UVRAG: variants seen among roughly 807,000 people sequenced by gnomAD.
The protein encoded by UVRAG is UV radiation resistance-associated gene protein.
Under a neutral mutation model 78.0 loss-of-function variants are expected in UVRAG, and 19 were observed. The observed-to-expected ratio is 0.24, with a 90% CI of 0.17 to 0.36. The LOEUF (loss-of-function observed/expected upper bound fraction) is 0.36, where lower values mean the gene tolerates loss of function less well. Ranked by LOEUF, UVRAG falls within the 10% of genes least tolerant of loss-of-function variation. The probability of loss-of-function intolerance (pLI) is 1.00; values close to 1 mark genes in which losing one functional copy is unlikely to be tolerated. For synonymous variants in UVRAG, 323 were observed against 324.6 expected, an observed-to-expected ratio of 1.00 and a Z score of 0.05; for missense variants, 740 against 853.8, an observed-to-expected ratio of 0.87 and a Z score of 1.66.
intron 14 of UVRAG, among the ~76,000 whole-genome samples, chr11:76,117,165 G>A (rs1952197554): frequency 6.6e-6 from 1 of 152,206 alleles, no homozygotes; most frequent in Non-Finnish European, 1.5e-5. Context: ...GAAAGCTCAA[G>A]CCCTGTCCCC....
At chr11:75,974,939 T>G (rs987652995) in intron 7 of UVRAG, among the ~76,000 whole-genome samples, 8 of 152,368 alleles carry the variant, frequency 5.3e-5, no homozygotes, top group Admixed American at 2.0e-4. Context: ...GTTTTAGACA[T>G]GAAGTCCTTG....
At chr11:75,877,823 C>T (rs1244477310) in intron 3 of UVRAG, among the ~76,000 whole-genome samples, 1 of 142,866 alleles carries the variant, frequency 7.0e-6, no homozygotes, top group Non-Finnish European at 1.5e-5. Context: ...GGCAGAGGCG[C>T]CCCTCACCTC....
intron 1 of UVRAG, among the ~76,000 whole-genome samples, chr11:75,815,843 C>T (rs919050607): frequency 6.6e-6 from 1 of 152,106 alleles, no homozygotes. Context: ...GATTGCCCCG[C>T]GCAGACCCTC....
chr11:76,051,577 G>A (rs1383545477), intron 12 of UVRAG, among the ~76,000 whole-genome samples: 1 of 152,032 alleles, frequency 6.6e-6, no homozygotes, highest in Non-Finnish European at 1.5e-5. Flanking sequence ...AAGGAGGGGG[G>A]ATTATTTTTA....
chr11:75,942,087 G>A (rs1264350018), intron 6 of UVRAG: 1 of 152,118 alleles, frequency 6.6e-6, no homozygotes, highest in Non-Finnish European at 1.5e-5. Flanking sequence ...CATTGCAAAA[G>A]AACTATTTTT....
At chr11:76,055,157 C>G (rs1950956635) in intron 12 of UVRAG, among the ~76,000 whole-genome samples, 1 of 152,160 alleles carries the variant, frequency 6.6e-6, no homozygotes, top group Non-Finnish European at 1.5e-5. Flanking sequence ...AAGTGATCCT[C>G]CCACCTCAGC....
intron 11 of UVRAG, chr11:76,012,825 GT>G (rs2135358915): frequency 6.6e-6 from 1 of 151,550 alleles, no homozygotes; most frequent in South Asian, 2.1e-4. Flanking sequence ...GTGTGTGTGT[GT>G]GTGTGTGTGT....
intron 1 of UVRAG, among the ~76,000 whole-genome samples, chr11:75,833,830 C>T (rs1042075312): frequency 6.6e-6 from 1 of 152,240 alleles, no homozygotes; most frequent in Non-Finnish European, 1.5e-5. Flanking sequence ...ACAGATCGCT[C>T]ATGTTATTGT....
intron 6 of UVRAG, among the ~76,000 whole-genome samples, chr11:75,943,339 G>T: frequency 6.8e-6 from 1 of 147,026 alleles, no homozygotes; most frequent in East Asian, 2.0e-4. Context: ...GCCTAAAGTT[G>T]TATATAATAT....
At chr11:75,870,404 A>G (rs1406530716) in intron 3 of UVRAG, among the ~76,000 whole-genome samples, 1 of 152,172 alleles carries the variant, frequency 6.6e-6, no homozygotes, top group Non-Finnish European at 1.5e-5. Flanking sequence ...AACAACCCCC[A>G]AGAGTATCTA....
intron 1 of UVRAG, among the ~76,000 whole-genome samples, chr11:75,832,313 C>A (rs994023989): frequency 3.9e-5 from 6 of 152,196 alleles, no homozygotes; most frequent in Non-Finnish European, 8.8e-5. Flanking sequence ...AGTCCCAAGT[C>A]CCGGTCGCAG....
rs1459875563 is a variant in UVRAG, at chr11:75,837,086, T to C, written c.118-14797T>C. 2.9e-3 allele frequency among the ~76,000 whole-genome samples: 447 copies of C among 152,174 alleles called. 6 individuals are homozygous for C. The East Asian group carries it at 0.074, about 25-fold the overall frequency. On this transcript the variant is annotated intron_variant, in intron 1 of 14. Transcript: ENST00000356136. ...GGCTCACGCCTGTAATCCCAGCACT[T>C]TGGGAGGCCAAGGTGGGTGGATCCT...
intron 12 of UVRAG, among the ~76,000 whole-genome samples, chr11:76,020,801 A>G (rs1307451893): frequency 6.6e-6 from 1 of 152,054 alleles, no homozygotes; most frequent in Non-Finnish European, 1.5e-5. Context: ...TAGGAATTGC[A>G]GTCTTCACAG....
chr11:75,971,717 G>A (rs994779293), intron 7 of UVRAG, among the ~76,000 whole-genome samples: 4 of 150,602 alleles, frequency 2.7e-5, no homozygotes, highest in South Asian at 4.2e-4. Flanking sequence ...ATAGAGTCTC[G>A]CTCTTTCACT....
intron 12 of UVRAG, among the ~76,000 whole-genome samples, chr11:76,019,093 C>A (rs562960433): frequency 8.5e-5 from 13 of 152,230 alleles, no homozygotes; most frequent in African/African-American, 2.6e-4. Context: ...CTAATTCTAT[C>A]TTCTTCTTGA....
chr11:75,993,273 C>T (rs1365395858), intron 8 of UVRAG, among the ~76,000 whole-genome samples: 4 of 152,254 alleles, frequency 2.6e-5, no homozygotes, highest in African/African-American at 2.4e-5. Context: ...TTTTTATCCA[C>T]GCTGCTGACT....
In UVRAG at chr11:76,085,063, CAAAA is replaced by C. The variant is rs781218840; in HGVS notation, c.1305+19298_1305+19301del. The stretch of plus-strand genomic sequence containing the variant: ...TGGGGGACAGAGCGAGACCCTGTCT[CAAAA>C]AAAAAAAAAAAAAAAAAAAAAATCT... On this transcript the variant is annotated intron_variant, in intron 13 of 14. Transcript: ENST00000356136. Among the ~76,000 whole-genome samples the C allele has an allele frequency of 1.4e-4, 7 of 49,610 alleles. No individual in the cohort carries two copies. The East Asian group carries it at 2.4e-3, about 17-fold the overall frequency. 32.5% of individuals were successfully genotyped at this position (49,610 alleles called of 152,430 possible).
Position 76,091,349 on chromosome 11 carries a change from T to C in UVRAG, c.1306-24575T>C, listed in dbSNP as rs562618806. Among the ~76,000 whole-genome samples the C allele has an allele frequency of 8.5e-5, 13 of 152,358 alleles. No individual in the cohort carries two copies. In the South Asian group the frequency reaches 2.7e-3, roughly 32 times the overall value. On this transcript the variant is annotated intron_variant, in intron 13 of 14. Transcript: ENST00000356136. Reference sequence around the variant, plus strand: ...CCAATGTTCTGAAATCTCAGACTGATAAGTCTGTTTTTATCTGTTGTGCTC... The same window carrying C: ...CCAATGTTCTGAAATCTCAGACTGACAAGTCTGTTTTTATCTGTTGTGCTC...
chr11:75,887,776 G>T (rs968241785), intron 4 of UVRAG, among the ~76,000 whole-genome samples: 18 of 152,098 alleles, frequency 1.2e-4, no homozygotes, highest in Admixed American at 1.2e-3. Context: ...TAGAGACGGG[G>T]TTTCGCCATG....
Sources: gnomAD v4.1 joint callset for allele counts (sites outside exome capture counted in the v4.1 genomes callset) on GRCh38, gnomAD v4.1.1 for gene constraint, MANE v1.5 for transcripts, NCBI Gene and HGNC (gene_info 2026-07-23, HGNC 2026-07-21) for gene names.